CCDC102B: variants seen among roughly 807,000 people sequenced by gnomAD.
CCDC102B encodes coiled-coil domain containing 102B, also known as coiled-coil domain-containing protein 102B.
In CCDC102B, 75 loss-of-function variants were observed where a neutral mutation model predicts 57.4. The ratio of observed to expected loss-of-function variants is 1.31; its 90% CI spans 1.08 to 1.58. The LOEUF (loss-of-function observed/expected upper bound fraction) is 1.58. Among genes scored for constraint, CCDC102B ranks in the 40% most tolerant of loss-of-function variants. The probability of loss-of-function intolerance (pLI) is 0.00; values close to 1 mark genes in which losing one functional copy is unlikely to be tolerated. For synonymous variants in CCDC102B, 206 were observed against 201.9 expected (o/e 1.02, Z -0.17); for missense variants, 636 against 582.6 (o/e 1.09, Z -0.94).
chr18:69,022,458 G>T lies in CCDC102B; in HGVS notation c.1434+11354G>T, dbSNP rs117503311. Among the ~76,000 whole-genome samples, 262 of 151,800 alleles carry T rather than the reference G, an allele frequency of 1.7e-3. 5 individuals are homozygous for T. In the East Asian group the frequency reaches 0.048, roughly 28 times the overall value. ...TTGCTGTTCATTAATTTACGAGTAG[G>T]TATAAAAATTATGGAAGCTACATAG... On this transcript the variant is annotated intron_variant, in intron 7 of 7. Coordinates refer to ENST00000360242, the MANE Select transcript of CCDC102B (RefSeq NM_024781.3).
intron 5 of CCDC102B, among the ~76,000 whole-genome samples, chr18:68,884,738 A>C (rs2039820364): frequency 1.3e-5 from 2 of 148,496 alleles, no homozygotes; most frequent in South Asian, 2.1e-4. Flanking sequence ...TATTCATTAT[A>C]ATATATTTAT....
intron 7 of CCDC102B, among the ~76,000 whole-genome samples, chr18:69,026,334 G>T (rs1048500049): frequency 6.6e-6 from 1 of 151,882 alleles, no homozygotes; most frequent in Non-Finnish European, 1.5e-5. Flanking sequence ...GCCTATGGTG[G>T]TGCGGACCTG....
Position 68,981,333 on chromosome 18 carries a change from C to T in CCDC102B, c.1264-29601C>T, listed in dbSNP as rs141421431. Reference sequence around the variant, plus strand: ...GAGACTTGGGAATAAATCTTGTTTTCGAGGGAAGTTTTATTGGACTAATCT... The same window carrying T: ...GAGACTTGGGAATAAATCTTGTTTTTGAGGGAAGTTTTATTGGACTAATCT... On this transcript the variant is annotated intron_variant, in intron 6 of 7. Transcript: ENST00000360242. Among the ~76,000 whole-genome samples the T allele has an allele frequency of 4.0e-3, 608 of 151,960 alleles. 2 individuals are homozygous for T. Among genetic ancestry groups the T allele is most frequent in the African/African-American group, 0.014 (582 of 41,470 alleles).
At chr18:68,999,751 C>G (rs779878535) in intron 6 of CCDC102B, among the ~76,000 whole-genome samples, 1 of 152,136 alleles carries the variant, frequency 6.6e-6, no homozygotes, top group Non-Finnish European at 1.5e-5. Context: ...TTCTACTTAT[C>G]CTTAGATTCT....
chr18:68,890,157 CT>C (rs952741348), intron 5 of CCDC102B, among the ~76,000 whole-genome samples: 177 of 148,796 alleles, frequency 1.2e-3, no homozygotes, highest in African/African-American at 4.0e-3. Context: ...CATTGCTTAC[CT>C]TTTTTTTTTA....
chr18:68,735,226 A>T (rs1208896605), intron 2 of CCDC102B, among the ~76,000 whole-genome samples: 1 of 148,554 alleles, frequency 6.7e-6, no homozygotes, highest in Non-Finnish European at 1.5e-5. Context: ...TAATTTTTGT[A>T]TTTTTTTTTT....
chr18:68,730,946 G>A (rs2032832008), intron 2 of CCDC102B, among the ~76,000 whole-genome samples: 4 of 151,982 alleles, frequency 2.6e-5, no homozygotes, highest in Admixed American at 2.6e-4. Flanking sequence ...ATATTTATTT[G>A]GGCTGGTCAT....
At chr18:68,810,687 T>TGTTTG (rs1568263219) in intron 1 of CCDC102B, among the ~76,000 whole-genome samples, 1 of 138,198 alleles carries the variant, frequency 7.2e-6, no homozygotes, top group African/African-American at 2.8e-5. Flanking sequence ...TTTGTTTTTT[T>TGTTTG]TTTTTTTTTT....
intron 4 of CCDC102B, among the ~76,000 whole-genome samples, chr18:68,867,391 G>A (rs1025336800): frequency 1.3e-5 from 2 of 152,078 alleles, no homozygotes; most frequent in Admixed American, 6.5e-5. Flanking sequence ...TCTCCATATT[G>A]GGCTCTGATT....
chr18:68,947,224 G>A (rs764455192), intron 6 of CCDC102B, among the ~76,000 whole-genome samples: 12 of 151,104 alleles, frequency 7.9e-5, no homozygotes, highest in Admixed American at 5.3e-4. Flanking sequence ...TACAACTTCC[G>A]GAACAACTGT....
chr18:69,045,026 G>A (rs367665870), intron 7 of CCDC102B, among the ~76,000 whole-genome samples: 23 of 152,074 alleles, frequency 1.5e-4, no homozygotes, highest in African/African-American at 4.1e-4. Context: ...TTGTGTGTGC[G>A]CTCCTGTGAT....
At chr18:68,903,084 C>T (rs1049735029) in intron 6 of CCDC102B, among the ~76,000 whole-genome samples, 3 of 151,956 alleles carry the variant, frequency 2.0e-5, no homozygotes, top group East Asian at 1.9e-4. Context: ...TTCATAGATG[C>T]GTGAAGAGAG....
chr18:68,994,490 C>T (rs2050962005), intron 6 of CCDC102B, among the ~76,000 whole-genome samples: 1 of 151,958 alleles, frequency 6.6e-6, no homozygotes, highest in South Asian at 2.1e-4. Context: ...TCCCTATAAT[C>T]CTCCCCTCTC....
chr18:68,725,387 C>T (rs2032548967), intron 2 of CCDC102B, among the ~76,000 whole-genome samples: 1 of 152,196 alleles, frequency 6.6e-6, no homozygotes, highest in African/African-American at 2.4e-5. Context: ...AGTCTTTCTA[C>T]TTCAGGTCAC....
chr18:68,772,213 T>C (rs1034468082), intron 2 of CCDC102B, among the ~76,000 whole-genome samples: 1 of 152,120 alleles, frequency 6.6e-6, no homozygotes, highest in African/African-American at 2.4e-5. Context: ...TTGTACAAAA[T>C]CTAGTATCGT....
chr18:68,934,397 A>G (rs758373505), intron 6 of CCDC102B, among the ~76,000 whole-genome samples: 2 of 151,986 alleles, frequency 1.3e-5, no homozygotes, highest in African/African-American at 2.4e-5. Context: ...TTTCAAAAGT[A>G]ACTTTCTATT....
chr18:68,904,494 C>T (rs998063165), intron 6 of CCDC102B, among the ~76,000 whole-genome samples: 1 of 152,206 alleles, frequency 6.6e-6, no homozygotes, highest in Non-Finnish European at 1.5e-5. Context: ...TTGAGTGGAA[C>T]AATGGTCTTT....
At chr18:69,029,334 A>G (rs2052077376) in intron 7 of CCDC102B, among the ~76,000 whole-genome samples, 1 of 152,222 alleles carries the variant, frequency 6.6e-6, no homozygotes, top group Non-Finnish European at 1.5e-5. Context: ...TACAGGTAGT[A>G]TTAGAGGACT....
chr18:68,994,694 T>C (rs1013425177), intron 6 of CCDC102B, among the ~76,000 whole-genome samples: 2 of 152,202 alleles, frequency 1.3e-5, no homozygotes, highest in African/African-American at 4.8e-5. Flanking sequence ...TGCTTCCCCT[T>C]CACCTTCTGA....
Sources: allele counts gnomAD v4.1 joint callset (sites outside exome capture counted in the v4.1 genomes callset), GRCh38; gene constraint gnomAD v4.1.1; transcripts MANE v1.5; gene names NCBI Gene and HGNC (gene_info 2026-07-23, HGNC 2026-07-21).